Variants in NF2 observed in about 807,000 individuals in gnomAD.
NF2 encodes the protein merlin.
Under a neutral mutation model 83.7 loss-of-function variants are expected in NF2, and 8 were observed. The ratio of observed to expected loss-of-function variants is 0.10; its 90% CI spans 0.06 to 0.17. NF2 has a LOEUF of 0.17. Ranked by LOEUF, NF2 falls within the 10% of genes least tolerant of loss-of-function variation. The pLI, the probability that NF2 is intolerant of heterozygous loss-of-function variation, is 1.00. For missense variants in NF2, 533 were observed against 744.4 expected (o/e 0.72, Z 3.31); for synonymous variants, 266 against 269.6 (o/e 0.99, Z 0.13).
chr22:29,639,484 C>G (rs1399473378), intron 3 of NF2, among the ~76,000 whole-genome samples: 1 of 152,088 alleles, frequency 6.6e-6, no homozygotes, highest in South Asian at 2.1e-4. Flanking sequence ...AAAATGGGTC[C>G]TATTTTCTTC....
chr22:29,642,666 A>G (rs1484157533), intron 4 of NF2, among the ~76,000 whole-genome samples: 1 of 151,864 alleles, frequency 6.6e-6, no homozygotes, highest in African/African-American at 2.4e-5. Context: ...AAACTCAACC[A>G]TGTGGTACAA....
chr22:29,639,803 A>G (rs2146877415), intron 3 of NF2, among the ~76,000 whole-genome samples: 1 of 147,354 alleles, frequency 6.8e-6, no homozygotes, highest in South Asian at 2.2e-4. Flanking sequence ...AATCACTTGA[A>G]CCTGGAAGAT....
intron 4 of NF2, among the ~76,000 whole-genome samples, chr22:29,643,780 T>G (rs2065883689): frequency 6.6e-6 from 1 of 152,236 alleles, no homozygotes. Flanking sequence ...ATTGTCATCC[T>G]GGCCCGTTCT....
chr22:29,612,252 C>T (rs1256607539), intron 1 of NF2, among the ~76,000 whole-genome samples: 1 of 152,124 alleles, frequency 6.6e-6, no homozygotes, highest in Non-Finnish European at 1.5e-5. Context: ...AGGTGATCCA[C>T]CCGCCTCAGC....
intron 6 of NF2, among the ~76,000 whole-genome samples, chr22:29,657,644 T>C (rs1451475066): frequency 1.3e-5 from 2 of 152,198 alleles, no homozygotes; most frequent in Admixed American, 6.5e-5. Context: ...CTGCAAGTTA[T>C]TGCTACTTCA....
intron 6 of NF2, among the ~76,000 whole-genome samples, chr22:29,657,624 T>G (rs964314748): frequency 6.6e-6 from 1 of 152,186 alleles, no homozygotes; most frequent in Non-Finnish European, 1.5e-5. Flanking sequence ...GATACCTGTT[T>G]GGGAGTTTTC....
intron 1 of NF2, among the ~76,000 whole-genome samples, chr22:29,615,223 A>G (rs1357504271): frequency 6.6e-6 from 1 of 152,120 alleles, no homozygotes; most frequent in Non-Finnish European, 1.5e-5. Context: ...ATGTGGAGAA[A>G]TGTGAACCCT....
At chr22:29,621,599 C>T (rs971987849) in intron 1 of NF2, among the ~76,000 whole-genome samples, 6 of 151,710 alleles carry the variant, frequency 4.0e-5, no homozygotes, top group African/African-American at 9.7e-5. Flanking sequence ...CCTGGGAGGT[C>T]GAGGTTGCCA....
At chr22:29,639,934 C>T (rs2065760118) in intron 3 of NF2, among the ~76,000 whole-genome samples, 1 of 141,860 alleles carries the variant, frequency 7.0e-6, no homozygotes, top group Non-Finnish European at 1.5e-5. Context: ...GGTTGGCTCA[C>T]CCCTGTAATC....
intron 3 of NF2, among the ~76,000 whole-genome samples, chr22:29,639,693 C>T (rs2065749428): frequency 6.9e-6 from 1 of 144,920 alleles, no homozygotes; most frequent in Non-Finnish European, 1.5e-5. Context: ...GACCATCTGG[C>T]TAACATGGTG....
chr22:29,612,996 GA>G (rs1292415245), intron 1 of NF2, among the ~76,000 whole-genome samples: 1 of 152,086 alleles, frequency 6.6e-6, no homozygotes, highest in Non-Finnish European at 1.5e-5. Context: ...TCGGGAGGCT[GA>G]GGCAGGGAAT....
At chr22:29,611,048 GC>G (rs2064939536) in intron 1 of NF2, among the ~76,000 whole-genome samples, 1 of 152,140 alleles carries the variant, frequency 6.6e-6, no homozygotes, top group African/African-American at 2.4e-5. Context: ...ATAATGTAAT[GC>G]ATTATATCAA....
intron 7 of NF2, 120 bp from the exon 8 acceptor site, chr22:29,661,085 T>A: frequency 7.0e-7 from 1 of 1,427,476 alleles, no homozygotes; most frequent in South Asian, 1.2e-5. Flanking sequence ...AGCTGTGACT[T>A]CTGTTGGGAC....
chr22:29,608,822 T>C (rs914896374), intron 1 of NF2: 15 of 333,184 alleles, frequency 4.5e-5, no homozygotes, highest in Non-Finnish European at 7.2e-5. Flanking sequence ...ACTATCTGAA[T>C]AGACCTATAA....
intron 13 of NF2, among the ~76,000 whole-genome samples, chr22:29,676,184 TAG>T (rs1354694644): frequency 6.6e-6 from 1 of 151,798 alleles, no homozygotes; most frequent in Non-Finnish European, 1.5e-5. Context: ...TTTTTTTTTT[TAG>T]AGAGAGAGAG....
At chr22:29,629,298 A>T (rs569008263) in intron 1 of NF2, among the ~76,000 whole-genome samples, 3 of 152,332 alleles carry the variant, frequency 2.0e-5, no homozygotes, top group African/African-American at 7.2e-5. Flanking sequence ...TCTTCGCTTA[A>T]TCAAAATAGA....
intron 1 of NF2, among the ~76,000 whole-genome samples, chr22:29,612,995 T>C (rs1368223930): frequency 6.6e-6 from 1 of 151,842 alleles, no homozygotes; most frequent in Non-Finnish European, 1.5e-5. Flanking sequence ...CTCGGGAGGC[T>C]GAGGCAGGGA....
At chr22:29,693,441 C>G (rs1478283124) in intron 15 of NF2, among the ~76,000 whole-genome samples, 1 of 152,234 alleles carries the variant, frequency 6.6e-6, no homozygotes, top group African/African-American at 2.4e-5. Flanking sequence ...TCTGAGCACA[C>G]TAATGCTGTC....
At chr22:29,665,924 A>G (rs774818711) in intron 9 of NF2, among the ~76,000 whole-genome samples, 2 of 152,026 alleles carry the variant, frequency 1.3e-5, no homozygotes, top group Non-Finnish European at 2.9e-5. Context: ...ACAGAATTTT[A>G]TTTCATATAT....
Sources: gnomAD v4.1 joint callset for allele counts (sites outside exome capture counted in the v4.1 genomes callset) on GRCh38, gnomAD v4.1.1 for gene constraint, MANE v1.5 for transcripts, NCBI Gene and HGNC (gene_info 2026-07-23, HGNC 2026-07-21) for gene names.